The following HCRTR2 variants were observed in gnomAD, a reference collection of about 807,000 sequenced individuals.
The protein encoded by HCRTR2 is hypocretin receptor 2, also known as orexin receptor type 2.
A neutral mutation model predicts 49.0 loss-of-function variants in HCRTR2; 22 were observed. The observed-to-expected ratio is 0.45, with a 90% CI of 0.32 to 0.64. The LOEUF (loss-of-function observed/expected upper bound fraction) is 0.64, where lower values mean the gene tolerates loss of function less well. HCRTR2 is among the 30% of genes least tolerant of loss of function. HCRTR2 has a pLI of 0.04. For missense variants in HCRTR2, 491 were observed against 559.4 expected (o/e 0.88, Z 1.23); for synonymous variants, 236 against 205.3 (o/e 1.15, Z -1.28).
intron 1 of HCRTR2, among the ~76,000 whole-genome samples, chr6:55,152,028 G>A (rs1268115148): frequency 6.6e-6 from 1 of 151,908 alleles, no homozygotes; most frequent in Admixed American, 6.6e-5. Context: ...AAGCAGACCT[G>A]CTGCCATCCA....
chr6:55,161,422 A>G (rs774672248), intron 1 of HCRTR2, among the ~76,000 whole-genome samples: 4 of 152,204 alleles, frequency 2.6e-5, no homozygotes, highest in African/African-American at 4.8e-5. Context: ...CAATGAAAAG[A>G]ACTAGAGAAG....
At chr6:55,279,669 G>C (rs1427247679) in intron 5 of HCRTR2, among the ~76,000 whole-genome samples, 4 of 151,980 alleles carry the variant, frequency 2.6e-5, no homozygotes, top group African/African-American at 9.7e-5. Context: ...AGAATTTATA[G>C]ATGGAATATT....
At position 55,248,792 on chromosome 6, in the gene HCRTR2, T is replaced by A. The variant is rs1251011194; in HGVS notation, c.377T>A (p.Leu126His). 6.2e-7 allele frequency: 1 copy of A among 1,613,212 alleles called. No individual in the cohort carries two copies. The highest frequency in any genetic ancestry group is 1.3e-5 in the African/African-American group (1 of 74,882). The change falls in exon 2 of 7, where the codon CTT (leucine) becomes CAT (histidine). Residue 126 changes from leucine to histidine, a missense_variant. Transcript: ENST00000370862. The stretch of plus-strand genomic sequence containing the variant: ...GAGACCTGGTTTTTTGGACAGTCCC[T>A]TTGCAAAGTGATTCCTTATCTACAG... Reference protein sequence around the residue: ...ITETWFFGQSLCKVIPYLQTV... With the variant: ...ITETWFFGQSHCKVIPYLQTV...
intron 1 of HCRTR2, among the ~76,000 whole-genome samples, chr6:55,126,466 C>T (rs571181759): frequency 1.3e-5 from 2 of 152,294 alleles, no homozygotes; most frequent in East Asian, 3.9e-4. Context: ...CCTGTTCTTT[C>T]CTCTGGAAGC....
intron 3 of HCRTR2, among the ~76,000 whole-genome samples, chr6:55,255,588 T>C (rs562855572): frequency 6.6e-6 from 1 of 152,352 alleles, no homozygotes; most frequent in South Asian, 2.1e-4. Context: ...TTATCTATTA[T>C]TTTCTCATTT....
intron 3 of HCRTR2, among the ~76,000 whole-genome samples, chr6:55,257,713 T>C (rs1170515401): frequency 6.6e-6 from 1 of 151,836 alleles, no homozygotes; most frequent in Non-Finnish European, 1.5e-5. Flanking sequence ...AACTCTAGCA[T>C]GGACATTTTC....
chr6:55,245,078 C>A (rs1003980927), intron 1 of HCRTR2, among the ~76,000 whole-genome samples: 4 of 151,692 alleles, frequency 2.6e-5, no homozygotes, highest in African/African-American at 4.8e-5. Flanking sequence ...AGGCTTATAG[C>A]ATAATTTGAA....
chr6:55,208,337 A>G (rs916932004), intron 1 of HCRTR2, among the ~76,000 whole-genome samples: 1 of 151,016 alleles, frequency 6.6e-6, no homozygotes, highest in South Asian at 2.1e-4. Context: ...TAAAAAAAAA[A>G]AAAAAATAGC....
At chr6:55,258,758 G>T (rs1286137801) in intron 3 of HCRTR2, among the ~76,000 whole-genome samples, 1 of 152,076 alleles carries the variant, frequency 6.6e-6, no homozygotes, top group Non-Finnish European at 1.5e-5. Flanking sequence ...AGATCCTACA[G>T]AAAGAAATTC....
chr6:55,163,258 C>CA lies in HCRTR2; in HGVS notation c.-377-10940dup, dbSNP rs1554169068. 2.5e-4 allele frequency among the ~76,000 whole-genome samples: 35 copies of CA among 141,250 alleles called. No individual in the cohort carries two copies. In the East Asian group the frequency reaches 3.5e-3, roughly 14 times the overall value. The allele number at this position is 141,250 out of a possible 152,430, so 92.7% of individuals were successfully genotyped here. ...TCTCAAAAAACAAACAAACAAACAACAAAAAAAAAAAAACTACCTTAAATT... is the reference window on the plus strand; with the variant it reads ...TCTCAAAAAACAAACAAACAAACAACAAAAAAAAAAAAAACTACCTTAAATT... On this transcript the variant is annotated intron_variant, in intron 1 of 7. Transcript: ENST00000615358.
At chr6:55,156,906 A>T (rs1353958578) in intron 1 of HCRTR2, among the ~76,000 whole-genome samples, 1 of 152,210 alleles carries the variant, frequency 6.6e-6, no homozygotes, top group Non-Finnish European at 1.5e-5. Context: ...AAGAACATCT[A>T]CAACGAAACC....
intron 1 of HCRTR2, among the ~76,000 whole-genome samples, chr6:55,201,162 A>G (rs576236471): frequency 6.6e-6 from 1 of 151,978 alleles, no homozygotes; most frequent in African/African-American, 2.4e-5. Flanking sequence ...AACTTTTTGG[A>G]TTTTGGATTA....
At position 55,277,231 on chromosome 6, in the gene HCRTR2, G is replaced by C. The variant is rs12111294; in HGVS notation, c.763-149G>C. 5,928 of 693,790 alleles carry C rather than the reference G, an allele frequency of 8.5e-3. 248 individuals are homozygous for C. The African/African-American group carries it at 0.086, about 10-fold the overall frequency. The allele number at this position is 693,790 out of a possible 1,614,324, so 43.0% of individuals were successfully genotyped here. A position where few individuals can be genotyped will look rare whatever the true frequency, so the allele number is the denominator to read the frequency against. On this transcript the variant is annotated intron_variant, in intron 4 of 6. Coordinates refer to ENST00000370862, the MANE Select transcript of HCRTR2 (RefSeq NM_001384272.1). ...GAATTAACGCCAAGCACATACTAAG[G>C]TCAGCAAATGCTCTGGAGAAACAGG...
intron 1 of HCRTR2, among the ~76,000 whole-genome samples, chr6:55,229,314 C>A (rs538830258): frequency 6.6e-6 from 1 of 152,266 alleles, no homozygotes; most frequent in South Asian, 2.1e-4. Flanking sequence ...TAGGCATGAA[C>A]CACTGTGCTG....
chr6:55,116,485 G>T (rs1469737362), intron 1 of HCRTR2, among the ~76,000 whole-genome samples: 1 of 150,634 alleles, frequency 6.6e-6, no homozygotes, highest in East Asian at 1.9e-4. Flanking sequence ...AAGAGGGAAA[G>T]AAAAAAATGG....
In HCRTR2 at chr6:55,200,275, GT is replaced by G. The variant is rs1562004621; in HGVS notation, c.223+25466del. Among the ~76,000 whole-genome samples the G allele has an allele frequency of 5.9e-5, 8 of 135,676 alleles. No individual in the cohort carries two copies. In the East Asian group the frequency reaches 1.3e-3, roughly 21 times the overall value. 89.0% of individuals were successfully genotyped at this position (135,676 alleles called of 152,430 possible). A position where few individuals can be genotyped will look rare whatever the true frequency, so the allele number is the denominator to read the frequency against. The stretch of plus-strand genomic sequence containing the variant: ...TGTGTGTGTGTGTGTGTGTGTGTGT[GT>G]GTTTTTGAAACGGAGTCTTGCTCTG... On this transcript the variant is annotated intron_variant, in intron 1 of 6. Transcript: ENST00000370862.
At chr6:55,142,986 T>C (rs1210733878) in intron 1 of HCRTR2, among the ~76,000 whole-genome samples, 2 of 59,118 alleles carry the variant, frequency 3.4e-5, no homozygotes, top group Non-Finnish European at 6.3e-5. Context: ...AGAAAGATGA[T>C]AGATGATAGA....
intron 1 of HCRTR2, among the ~76,000 whole-genome samples, chr6:55,167,764 A>T (rs1764898266): frequency 6.6e-6 from 1 of 152,186 alleles, no homozygotes; most frequent in Non-Finnish European, 1.5e-5. Context: ...CCCCAAAGTT[A>T]TAGTTTGTAC....
At chr6:55,275,714 G>C (rs1291148667) in intron 4 of HCRTR2, among the ~76,000 whole-genome samples, 1 of 151,220 alleles carries the variant, frequency 6.6e-6, no homozygotes, top group Non-Finnish European at 1.5e-5. Flanking sequence ...GGGTTCAAGC[G>C]ATTCTCCTGC....
Sources: gnomAD v4.1 joint callset for allele counts (sites outside exome capture counted in the v4.1 genomes callset) on GRCh38, gnomAD v4.1.1 for gene constraint, MANE v1.5 for transcripts, NCBI Gene and HGNC (gene_info 2026-07-23, HGNC 2026-07-21) for gene names.